The following TMEM192 variants were observed in gnomAD, a reference collection of about 807,000 sequenced individuals.
TMEM192 encodes transmembrane protein 192.
A neutral mutation model predicts 26.7 loss-of-function variants in TMEM192; 20 were observed. The observed-to-expected ratio is 0.75, with a 90% confidence interval of 0.53 to 1.09. The LOEUF is 1.09. Among genes scored for constraint, TMEM192 ranks in the 50% least tolerant of loss-of-function variants. The probability of loss-of-function intolerance (pLI) is 0.00; values close to 1 mark genes in which losing one functional copy is unlikely to be tolerated. For synonymous variants in TMEM192, 124 were observed against 121.0 expected (o/e 1.02, Z -0.16); for missense variants, 304 against 322.6 (o/e 0.94, Z 0.44).
intron 5 of TMEM192, among the ~76,000 whole-genome samples, chr4:165,084,250 G>A (rs1445962434): frequency 6.6e-6 from 1 of 151,462 alleles, no homozygotes; most frequent in Non-Finnish European, 1.5e-5. Flanking sequence ...CCAGGCTGGA[G>A]TACAGTGGCG....
chr4:165,104,501 A>ACAC (rs1423340764), intron 1 of TMEM192, among the ~76,000 whole-genome samples: 1 of 152,120 alleles, frequency 6.6e-6, no homozygotes, highest in African/African-American at 2.4e-5. Flanking sequence ...CAGGTATTCA[A>ACAC]CACTGCTCTG....
chr4:165,095,500 T>C (rs1190313590), intron 3 of TMEM192, among the ~76,000 whole-genome samples: 1 of 152,098 alleles, frequency 6.6e-6, no homozygotes, highest in Non-Finnish European at 1.5e-5. Context: ...CCATGAGAAC[T>C]AGAGGTGAGC....
rs1019239048 is a variant in TMEM192 at position 165,112,841 on chromosome 4, C to A, written c.-68G>T. On this transcript the variant is annotated 5_prime_UTR_variant, in exon 1 of 6. Transcript: ENST00000306480. ...CCACCTGGACCTGTAAGCCTCTGGC[C>A]GCGAAACTCGCCACCTTCTGGGACC... The A allele has an allele frequency of 2.6e-6, 4 of 1,567,414 alleles. No homozygotes were observed. The highest frequency in any genetic ancestry group is 2.3e-5 in the South Asian group (2 of 87,990).
At chr4:165,102,236 A>C (rs1267783303) in intron 2 of TMEM192, among the ~76,000 whole-genome samples, 1 of 152,244 alleles carries the variant, frequency 6.6e-6, no homozygotes, top group Non-Finnish European at 1.5e-5. Context: ...GGTATAAGTA[A>C]ATTGATAAAT....
At chr4:165,110,845 C>G (rs920375877) in intron 1 of TMEM192, among the ~76,000 whole-genome samples, 1 of 152,196 alleles carries the variant, frequency 6.6e-6, no homozygotes, top group Non-Finnish European at 1.5e-5. Context: ...TATAGCCTTT[C>G]GAATACATCC....
At chr4:165,085,057 C>T (rs963947167) in intron 5 of TMEM192, among the ~76,000 whole-genome samples, 2 of 151,668 alleles carry the variant, frequency 1.3e-5, no homozygotes, top group African/African-American at 2.4e-5. Context: ...GGCGGATCAC[C>T]TGAGGTCAGG....
intron 1 of TMEM192, among the ~76,000 whole-genome samples, chr4:165,104,836 T>C (rs1735128343): frequency 6.6e-6 from 1 of 152,156 alleles, no homozygotes; most frequent in Non-Finnish European, 1.5e-5. Flanking sequence ...TGGCCAAGTC[T>C]TTTATTCAAT....
chr4:165,095,348 T>C (rs998211534), intron 3 of TMEM192, among the ~76,000 whole-genome samples: 14 of 152,182 alleles, frequency 9.2e-5, no homozygotes, highest in Non-Finnish European at 2.1e-4. Flanking sequence ...CACAGGGGAC[T>C]TGAAGTCAGA....
chr4:165,075,376 C>T lies in TMEM192; in HGVS notation c.*4282G>A, dbSNP rs1378135892. ...TCTCCTGCCTCAGCCTCCTGAGTAG[C>T]TGGGATTACAGGCGCGCACCACCAC... On this transcript the variant is annotated 3_prime_UTR_variant, in exon 6 of 6. Transcript: ENST00000306480. 1.3e-5 allele frequency: 2 copies of T among 151,838 alleles called. No homozygotes were observed. Among genetic ancestry groups the T allele is most frequent in the African/African-American group, 2.4e-5 (1 of 41,286 alleles). 9.4% of individuals were successfully genotyped at this position (151,838 alleles called of 1,614,324 possible). A position where few individuals can be genotyped will look rare whatever the true frequency, so the allele number is the denominator to read the frequency against.
chr4:165,085,788 G>T, intron 4 of TMEM192, 100 bp from the exon 5 acceptor site: 1 of 825,816 alleles, frequency 1.2e-6, no homozygotes, highest in Non-Finnish European at 1.9e-6. Flanking sequence ...ACGTCCTTGA[G>T]TATTTCAAAT....
chr4:165,085,380 T>A (rs1005317745), intron 5 of TMEM192, among the ~76,000 whole-genome samples: 2 of 151,688 alleles, frequency 1.3e-5, no homozygotes, highest in African/African-American at 2.4e-5. Context: ...GTTGGCTAAG[T>A]GGTTAATTTT....
rs544863492 is a variant in TMEM192, at chr4:165,084,865, T to G, written c.677+721A>C. Among the ~76,000 whole-genome samples the G allele has an allele frequency of 7.2e-5, 11 of 152,116 alleles. 1 individual carries two copies. In the East Asian group the frequency reaches 2.1e-3, roughly 30 times the overall value. ...GGAAGTCACTTAGGGAGAGACTGGA[T>G]AGAAACAAGGGTGGGCAGACCGGGC... On this transcript the variant is annotated intron_variant, in intron 5 of 5. Coordinates refer to ENST00000306480, the MANE Select transcript of TMEM192 (RefSeq NM_001100389.2).
chr4:165,079,705 A>C lies in TMEM192; in HGVS notation c.769T>G (p.Leu257Val). The change falls in exon 6 of 6, where the codon TTG becomes GTG. Residue 257 changes from leucine (L) to valine (V), a missense_variant. Coordinates refer to ENST00000306480, the MANE Select transcript of TMEM192 (RefSeq NM_001100389.2). The stretch of plus-strand genomic sequence containing the variant: ...CCCAGGTCTGAGGAAGTGAGAGCCA[A>C]CAATCGCTTACTCAGCAGCGCATTG... ...RHNALLSKRL[L>V]ALTSSDLGCQ... 1 of 1,613,962 alleles carries C rather than the reference A, an allele frequency of 6.2e-7. No individual in the cohort carries two copies. Among genetic ancestry groups the C allele is most frequent in the Non-Finnish European group, 8.5e-7 (1 of 1,179,926 alleles).
intron 5 of TMEM192, among the ~76,000 whole-genome samples, chr4:165,085,306 A>T (rs1734586305): frequency 6.6e-6 from 1 of 151,986 alleles, no homozygotes. Flanking sequence ...CACCTATAAA[A>T]AAAGGTGCTT....
chr4:165,092,885 A>C (rs1337925616), intron 3 of TMEM192, among the ~76,000 whole-genome samples: 1 of 151,924 alleles, frequency 6.6e-6, no homozygotes, highest in Non-Finnish European at 1.5e-5. Context: ...CAACAGAGCG[A>C]GACCTTGTCT....
rs1295572079 is a variant in TMEM192, at chr4:165,072,691, AGCAGGATTT to A, written c.*6958_*6966del. 1 of 152,292 alleles carries A rather than the reference AGCAGGATTT, an allele frequency of 6.6e-6. No individual in the cohort carries two copies. Among genetic ancestry groups the A allele is most frequent in the African/African-American group, 2.4e-5 (1 of 41,454 alleles). The allele number at this position is 152,292 out of a possible 1,614,324, so 9.4% of individuals were successfully genotyped here. On this transcript the variant is annotated 3_prime_UTR_variant, in exon 6 of 6. Coordinates refer to ENST00000306480, the MANE Select transcript of TMEM192 (RefSeq NM_001100389.2). ...CTGGGTATGTTTTAAAGGAAAAGCC[AGCAGGATTT>A]GCTGATTAACTGTCTATAGGGTTTG...
intron 3 of TMEM192, among the ~76,000 whole-genome samples, chr4:165,093,022 A>AT (rs1249558755): frequency 2.0e-5 from 3 of 151,358 alleles, no homozygotes; most frequent in African/African-American, 7.3e-5. Context: ...GCCACAGTAT[A>AT]TTAGCATATT....
rs1734541366 is a variant in TMEM192 at position 165,083,105 on chromosome 4, T to G, written c.677+2481A>C. On this transcript the variant is annotated intron_variant, in intron 5 of 5. Coordinates refer to ENST00000306480, the MANE Select transcript of TMEM192 (RefSeq NM_001100389.2). The stretch of plus-strand genomic sequence containing the variant: ...GAATACATTTTAAAAAGCTTTCCAT[T>G]AAGTCATAAGAGAGCAATATTAGGT... 5.0e-5 allele frequency among the ~76,000 whole-genome samples: 2 copies of G among 39,882 alleles called. 1 individual carries two copies. Among genetic ancestry groups the G allele is most frequent in the South Asian group, 2.2e-3 (2 of 910 alleles). The allele number at this position is 39,882 out of a possible 152,430, so 26.2% of individuals were successfully genotyped here. A position where few individuals can be genotyped will look rare whatever the true frequency, so the allele number is the denominator to read the frequency against.
intron 3 of TMEM192, among the ~76,000 whole-genome samples, chr4:165,097,500 A>AAG (rs1734938044): frequency 6.7e-6 from 1 of 149,764 alleles, no homozygotes; most frequent in South Asian, 2.1e-4. Context: ...TCTCAAAAAA[A>AAG]AAAAAAAAAA....
Sources: gnomAD v4.1 joint callset for allele counts (sites outside exome capture counted in the v4.1 genomes callset) on GRCh38, gnomAD v4.1.1 for gene constraint, MANE v1.5 for transcripts, NCBI Gene and HGNC (gene_info 2026-07-23, HGNC 2026-07-21) for gene names.